The following GABRA6 variants were observed in gnomAD, a reference collection of about 807,000 sequenced individuals.
GABRA6 encodes gamma-aminobutyric acid type A receptor subunit alpha6, also known as gamma-aminobutyric acid receptor subunit alpha-6.
Under a neutral mutation model 47.3 loss-of-function variants are expected in GABRA6, and 45 were observed. The observed-to-expected ratio is 0.95, with a 90% CI of 0.75 to 1.22. GABRA6 has a LOEUF of 1.22. GABRA6 is among the 50% of genes most tolerant of loss of function. GABRA6 has a pLI of 0.00. For synonymous variants in GABRA6, 219 were observed against 194.7 expected, an observed-to-expected ratio of 1.12 and a Z score of -1.04; for missense variants, 583 against 549.3, an observed-to-expected ratio of 1.06 and a Z score of -0.61.
chr5:161,694,325 G>T (rs950432063), intron 8 of GABRA6, among the ~76,000 whole-genome samples: 1 of 149,940 alleles, frequency 6.7e-6, no homozygotes. Flanking sequence ...AAAAAAGATC[G>T]TCAAAAACAG....
Position 161,686,458 on chromosome 5 carries a change from C to A in GABRA6, c.157+110C>A, listed in dbSNP as rs890222952. ...CTAGGTAGTGGGAAGGGGCAGGGTA[C>A]GGGAGAGAGACCATGGGTATGTTCC... On this transcript the variant is annotated intron_variant, in intron 2 of 8. Coordinates refer to ENST00000274545, the MANE Select transcript of GABRA6 (RefSeq NM_000811.3). The A allele has an allele frequency of 1.9e-5, 16 of 838,334 alleles. No homozygotes were observed. In the Admixed American group the frequency reaches 2.7e-4, roughly 14 times the overall value. The allele number at this position is 838,334 out of a possible 1,614,324, so 51.9% of individuals were successfully genotyped here. A position where few individuals can be genotyped will look rare whatever the true frequency, so the allele number is the denominator to read the frequency against.
chr5:161,702,544 G>C lies in GABRA6; in HGVS notation c.*771G>C, dbSNP rs1254484107. The stretch of plus-strand genomic sequence containing the variant: ...TATTATGACTATGGTTATCTCTTGT[G>C]TTTTCCACATTTCCAATTATAACAC... On this transcript the variant is annotated 3_prime_UTR_variant, in exon 9 of 9. Coordinates refer to ENST00000274545, the MANE Select transcript of GABRA6 (RefSeq NM_000811.3). The C allele has an allele frequency of 6.6e-6, 1 of 152,078 alleles. No individual in the cohort carries two copies. Among genetic ancestry groups the C allele is most frequent in the African/African-American group, 2.4e-5 (1 of 41,410 alleles). The allele number at this position is 152,078 out of a possible 1,614,324, so 9.4% of individuals were successfully genotyped here. A position where few individuals can be genotyped will look rare whatever the true frequency, so the allele number is the denominator to read the frequency against.
chr5:161,689,406 T>C, intron 5 of GABRA6, 70 bp downstream of exon 5: 2 of 1,323,008 alleles, frequency 1.5e-6, no homozygotes, highest in Non-Finnish European at 2.2e-6. Flanking sequence ...TTTTAGTTGA[T>C]ACTGGAAATC....
chr5:161,695,135 A>G (rs1323429885), intron 8 of GABRA6, among the ~76,000 whole-genome samples: 5 of 152,158 alleles, frequency 3.3e-5, no homozygotes, highest in African/African-American at 1.2e-4. Context: ...ATATTTTAAT[A>G]TGTTCATTGC....
chr5:161,689,760 G>C lies in GABRA6; in HGVS notation c.654G>C (p.Glu218Asp). The C allele has an allele frequency of 6.2e-7, 1 of 1,613,372 alleles. No homozygotes were observed. Residue 218 changes from glutamate to aspartate, a missense_variant, in exon 6 of 9, where the codon GAG (glutamate) becomes GAC (aspartate). By Grantham distance (45) the Glu-to-Asp change is conservative. Transcript: ENST00000274545. ...TGATTGGACAAACAGTATCTAGTGA[G>C]ACAATTAAATCTAACACAGGTAAGA... ...YDLIGQTVSS[E>D]TIKSNTGEYV...
intron 3 of GABRA6, chr5:161,687,426 T>C (rs1754720218): frequency 6.9e-6 from 3 of 435,176 alleles, no homozygotes; most frequent in Non-Finnish European, 1.4e-5. Flanking sequence ...TATCAGTATA[T>C]TTTATTAAAA....
In GABRA6 at chr5:161,689,181, C is replaced by T; in HGVS notation, c.446+12C>T. ...TTATACACCATGAGGTGAGGTTTCT[C>T]CAATTCTATTTCCCCTGCCTAAATG... On this transcript the variant is annotated intron_variant, in intron 4 of 8. Coordinates refer to ENST00000274545, the MANE Select transcript of GABRA6 (RefSeq NM_000811.3). The T allele has an allele frequency of 6.2e-7, 1 of 1,612,650 alleles. No homozygotes were observed. The highest frequency in any genetic ancestry group is 1.3e-5 in the African/African-American group (1 of 75,010).
chr5:161,689,366 A>C, intron 5 of GABRA6, 30 bp downstream of exon 5: 1 of 1,544,198 alleles, frequency 6.5e-7, no homozygotes. Flanking sequence ...TGAGAGTCAA[A>C]TAATACATCC....
chr5:161,698,544 A>G (rs1383673732), intron 8 of GABRA6, among the ~76,000 whole-genome samples: 1 of 152,040 alleles, frequency 6.6e-6, no homozygotes, highest in Admixed American at 6.6e-5. Context: ...GTATATGTGT[A>G]TATATATACA....
At chr5:161,695,406 C>T (rs941864579) in intron 8 of GABRA6, among the ~76,000 whole-genome samples, 11 of 151,174 alleles carry the variant, frequency 7.3e-5, no homozygotes. Flanking sequence ...AGTGTTTTTC[C>T]CGCTTATATG....
rs568699224 is a variant in GABRA6 at position 161,697,187 on chromosome 5, G to C, written c.1087-4311G>C. ...AGCCCTGCAAAAATTCAAAACCACA[G>C]GCGTTCCACTCAAAACAGTGACAGC... On this transcript the variant is annotated intron_variant, in intron 8 of 8. Transcript: ENST00000274545. Among the ~76,000 whole-genome samples, 3 of 152,290 alleles carry C rather than the reference G, an allele frequency of 2.0e-5. No homozygotes were observed. The East Asian group carries it at 5.8e-4, about 29-fold the overall frequency.
In GABRA6 at chr5:161,689,700, CCCAGAAGAATCTTCAAG is replaced by C; in HGVS notation, c.597_613del (p.Glu200SerfsTer4). Reference sequence around the variant, plus strand: ...AAGGACCACTTTACTCAGTAGAAGTCCCAGAAGAATCTTCAAGCCTTCTCCAGTATGATCTGATTGGA... The same window carrying C: ...AAGGACCACTTTACTCAGTAGAAGTCCCTTCTCCAGTATGATCTGATTGGA... On this transcript the variant is annotated frameshift_variant, in exon 6 of 9. Transcript: ENST00000274545. LOFTEE classifies it high-confidence loss of function. 1 of 1,611,068 alleles carries C rather than the reference CCCAGAAGAATCTTCAAG, an allele frequency of 6.2e-7. No homozygotes were observed. The highest frequency in any genetic ancestry group is 8.5e-7 in the Non-Finnish European group (1 of 1,177,350).
intron 8 of GABRA6, among the ~76,000 whole-genome samples, chr5:161,699,362 C>A (rs1041017853): frequency 2.0e-5 from 3 of 151,988 alleles, no homozygotes; most frequent in African/African-American, 7.3e-5. Flanking sequence ...ACAGTGACAC[C>A]TTTTGCTCTT....
intron 3 of GABRA6, among the ~76,000 whole-genome samples, chr5:161,688,064 A>G (rs531309599): frequency 6.6e-6 from 1 of 152,278 alleles, no homozygotes; most frequent in South Asian, 2.1e-4. Context: ...AAGTCTGAGT[A>G]TACTTAGTGT....
Position 161,686,033 on chromosome 5 carries a change from T to C in GABRA6, c.38+6T>C, listed in dbSNP as rs779480814. The stretch of plus-strand genomic sequence containing the variant: ...TGGCTGTGCATTATTCTGTGGTGAG[T>C]AAGATCCTTTTTCCTGATTTTTCTT... On this transcript the variant is annotated splice_donor_region_variant and intron_variant, in intron 1 of 8. Transcript: ENST00000274545. The C allele has an allele frequency of 6.2e-7, 1 of 1,613,150 alleles. No individual in the cohort carries two copies. Among genetic ancestry groups the C allele is most frequent in the Non-Finnish European group, 8.5e-7 (1 of 1,179,140 alleles).
chr5:161,685,781 C>T lies in GABRA6; in HGVS notation c.-209C>T, dbSNP rs1009280240. ...TAAGACCACAAACCACCTTGTTCCA[C>T]GTGAGAAGGAAACAAGAAAGAAGGG... On this transcript the variant is annotated 5_prime_UTR_variant, in exon 1 of 9. The change creates a new upstream start codon in the 5' untranslated region. Transcript: ENST00000274545. The T allele has an allele frequency of 2.1e-5, 13 of 618,210 alleles. No homozygotes were observed. The highest frequency in any genetic ancestry group is 1.3e-4 in the African/African-American group (7 of 54,282). The allele number at this position is 618,210 out of a possible 1,614,324, so 38.3% of individuals were successfully genotyped here. A position where few individuals can be genotyped will look rare whatever the true frequency, so the allele number is the denominator to read the frequency against.
Position 161,686,920 on chromosome 5 carries a change from T to G in GABRA6, c.158-16T>G. The stretch of plus-strand genomic sequence containing the variant: ...TCAGTGGTGATAATTGTTTCATCCC[T>G]CTGGGCTAATTTCAGGTGCTGTCAC... On this transcript the variant is annotated splice_polypyrimidine_tract_variant and intron_variant, in intron 2 of 8. Transcript: ENST00000274545. 1 of 1,612,774 alleles carries G rather than the reference T, an allele frequency of 6.2e-7. No homozygotes were observed. Among genetic ancestry groups the G allele is most frequent in the Non-Finnish European group, 8.5e-7 (1 of 1,178,828 alleles).
Position 161,689,759 on chromosome 5 carries a change from A to C in GABRA6, c.653A>C (p.Glu218Ala), listed in dbSNP as rs762057483. The C allele has an allele frequency of 1.1e-5, 18 of 1,613,208 alleles. No homozygotes were observed. In the East Asian group the frequency reaches 3.8e-4, roughly 34 times the overall value. ...YDLIGQTVSSETIKSNTGEYV... is the reference protein window; with the variant it reads ...YDLIGQTVSSATIKSNTGEYV... ...CTGATTGGACAAACAGTATCTAGTG[A>C]GACAATTAAATCTAACACAGGTAAG... The change falls in exon 6 of 9, where the codon GAG (glutamate) becomes GCG (alanine). Residue 218 changes from glutamate (E) to alanine (A), a missense_variant. Physicochemically the swap from Glu to Ala is moderately radical, Grantham distance 107. Coordinates refer to ENST00000274545, the MANE Select transcript of GABRA6 (RefSeq NM_000811.3).
chr5:161,702,509 A>T lies in GABRA6; in HGVS notation c.*736A>T, dbSNP rs929961598. ...GTAGAAAAAAGTACTCATTATAAGG[A>T]AGCCTTGTATATTATGACTATGGTT... On this transcript the variant is annotated 3_prime_UTR_variant, in exon 9 of 9. Coordinates refer to ENST00000274545, the MANE Select transcript of GABRA6 (RefSeq NM_000811.3). The T allele has an allele frequency of 2.0e-5, 3 of 152,198 alleles. No individual in the cohort carries two copies. Among genetic ancestry groups the T allele is most frequent in the Admixed American group, 2.0e-4 (3 of 15,282 alleles). 9.4% of individuals were successfully genotyped at this position (152,198 alleles called of 1,614,324 possible). A position where few individuals can be genotyped will look rare whatever the true frequency, so the allele number is the denominator to read the frequency against.
Sources: allele counts gnomAD v4.1 joint callset (sites outside exome capture counted in the v4.1 genomes callset), GRCh38; gene constraint gnomAD v4.1.1; transcripts MANE v1.5; gene names NCBI Gene and HGNC (gene_info 2026-07-23, HGNC 2026-07-21).